Variants in PSMA5 observed in about 807,000 individuals in gnomAD.
The protein encoded by PSMA5 is proteasome 20S subunit alpha 5, also known as proteasome subunit alpha type-5.
A neutral mutation model predicts 34.5 loss-of-function variants in PSMA5; 3 were observed. The ratio of observed to expected loss-of-function variants is 0.09; its 90% CI spans 0.04 to 0.22. PSMA5 has a LOEUF of 0.22. PSMA5 is among the 10% of genes least tolerant of loss of function. The pLI, the probability that PSMA5 is intolerant of heterozygous loss-of-function variation, is 1.00. For synonymous variants in PSMA5, 88 were observed against 95.8 expected (o/e 0.92, Z 0.47); for missense variants, 120 against 286.1 (o/e 0.42, Z 4.19).
chr1:109,421,826 G>C, intron 2 of PSMA5, 34 bp downstream of exon 2: 1 of 1,509,440 alleles, frequency 6.6e-7, no homozygotes, highest in South Asian at 1.3e-5. Flanking sequence ...AGGTAGCCAT[G>C]AAATTTCAGG....
chr1:109,411,117 C>G lies in PSMA5; in HGVS notation c.459-4G>C. ...CCCAGATGGGTCCATATGAAACCTG[C>G]AAAACCCCCAAAATGAGGACTAAAA... On this transcript the variant is annotated splice_region_variant and splice_polypyrimidine_tract_variant and intron_variant, in intron 6 of 8. Transcript: ENST00000271308. 1 of 1,605,324 alleles carries G rather than the reference C, an allele frequency of 6.2e-7. No homozygotes were observed. Among genetic ancestry groups the G allele is most frequent in the Non-Finnish European group, 8.5e-7 (1 of 1,174,018 alleles).
At chr1:109,413,499 G>GA (rs35625543) in intron 3 of PSMA5, among the ~76,000 whole-genome samples, 2 of 152,152 alleles carry the variant, frequency 1.3e-5, no homozygotes, top group Non-Finnish European at 2.9e-5. Context: ...GGGAAACAAG[G>GA]AAAAGAAAAT....
chr1:109,420,052 A>G (rs1654380233), intron 2 of PSMA5, among the ~76,000 whole-genome samples: 1 of 152,030 alleles, frequency 6.6e-6, no homozygotes, highest in Non-Finnish European at 1.5e-5. Context: ...TAACCTGGAG[A>G]GACTTTGGAA....
intron 8 of PSMA5, among the ~76,000 whole-genome samples, chr1:109,408,709 G>A (rs747304574): frequency 1.4e-5 from 2 of 143,684 alleles, no homozygotes; most frequent in African/African-American, 2.6e-5. Context: ...TTTTTTTTTC[G>A]GGACGGAGTC....
At chr1:109,420,908 G>T (rs1654411432) in intron 2 of PSMA5, among the ~76,000 whole-genome samples, 1 of 151,776 alleles carries the variant, frequency 6.6e-6, no homozygotes, top group Non-Finnish European at 1.5e-5. Flanking sequence ...CGCCAGGTGT[G>T]GTGGCTCACA....
chr1:109,406,421 A>G (rs1333686645), intron 8 of PSMA5, among the ~76,000 whole-genome samples: 2 of 152,206 alleles, frequency 1.3e-5, no homozygotes, highest in Non-Finnish European at 2.9e-5. Context: ...TGAAAGAAGT[A>G]TAGTCCCTAT....
chr1:109,416,834 G>A (rs1654220221), intron 2 of PSMA5, among the ~76,000 whole-genome samples: 1 of 152,192 alleles, frequency 6.6e-6, no homozygotes, highest in Non-Finnish European at 1.5e-5. Flanking sequence ...GTTGGGCATG[G>A]TGGCTCATGC....
chr1:109,411,976 A>G (rs765952761), intron 5 of PSMA5, 41 bp from the exon 6 acceptor site: 3 of 1,594,142 alleles, frequency 1.9e-6, no homozygotes, highest in East Asian at 2.2e-5. Flanking sequence ...AAATGGCTAT[A>G]AAGTAAGGAG....
chr1:109,422,284 G>A (rs764359604), intron 1 of PSMA5, among the ~76,000 whole-genome samples: 7 of 152,106 alleles, frequency 4.6e-5, no homozygotes, highest in Non-Finnish European at 7.3e-5. Flanking sequence ...CCAAGAAAAT[G>A]TGCATTTTTC....
At chr1:109,421,015 TA>T (rs1654415843) in intron 2 of PSMA5, among the ~76,000 whole-genome samples, 1 of 112,314 alleles carries the variant, frequency 8.9e-6, no homozygotes, top group Non-Finnish European at 1.7e-5. Context: ...ACCACATCTC[TA>T]CCAAAAAAAA....
At chr1:109,406,588 C>T (rs916617874) in intron 8 of PSMA5, among the ~76,000 whole-genome samples, 7 of 152,138 alleles carry the variant, frequency 4.6e-5, no homozygotes, top group African/African-American at 7.2e-5. Context: ...GTCCCAGCTA[C>T]TCGAGAGGCT....
At chr1:109,421,838 C>G in intron 2 of PSMA5, 22 bp downstream of exon 2, 1 of 1,543,092 alleles carries the variant, frequency 6.5e-7, no homozygotes, top group Admixed American at 2.1e-5. Flanking sequence ...AATTTCAGGA[C>G]CTATGCTACT....
At chr1:109,425,433 T>G (rs1654616511) in intron 1 of PSMA5, 1 of 152,144 alleles carries the variant, frequency 6.6e-6, no homozygotes, top group Non-Finnish European at 1.5e-5. Context: ...ATGTCAAAAC[T>G]TCACACACAT....
At chr1:109,413,830 A>C (rs1199136309) in intron 3 of PSMA5, among the ~76,000 whole-genome samples, 1 of 152,132 alleles carries the variant, frequency 6.6e-6, no homozygotes, top group Non-Finnish European at 1.5e-5. Flanking sequence ...AAGTTCTGTC[A>C]ATTTCTATCT....
intron 1 of PSMA5, chr1:109,425,924 T>G: frequency 1.1e-5 from 3 of 270,900 alleles, no homozygotes; most frequent in Non-Finnish European, 1.4e-5. Context: ...AGGAAGCACG[T>G]TTAACTTTTT....
chr1:109,412,993 T>C (rs893925234), intron 4 of PSMA5, 75 bp downstream of exon 4: 8 of 1,300,324 alleles, frequency 6.2e-6, no homozygotes, highest in African/African-American at 2.9e-5. Flanking sequence ...ACCTGCAGTA[T>C]AGCCCAGGCA....
At chr1:109,402,141 TG>T (rs1209875843) in intron 8 of PSMA5, 51 bp from the exon 9 acceptor site, 1 of 1,366,766 alleles carries the variant, frequency 7.3e-7, no homozygotes, top group Non-Finnish European at 1.0e-6. Context: ...ACCCTGCTGA[TG>T]GCCCTACCAT....
chr1:109,409,329 G>A (rs1653906714), intron 8 of PSMA5, among the ~76,000 whole-genome samples: 1 of 152,106 alleles, frequency 6.6e-6, no homozygotes, highest in South Asian at 2.1e-4. Context: ...GCTAGTATTT[G>A]TATTTTTGGT....
chr1:109,407,385 C>T (rs531290084), intron 8 of PSMA5, among the ~76,000 whole-genome samples: 1 of 152,280 alleles, frequency 6.6e-6, no homozygotes, highest in East Asian at 1.9e-4. Context: ...TGGGCTCTAG[C>T]GCAGTGGCTC....
Sources: gnomAD v4.1 joint callset for allele counts (sites outside exome capture counted in the v4.1 genomes callset) on GRCh38, gnomAD v4.1.1 for gene constraint, MANE v1.5 for transcripts, NCBI Gene and HGNC (gene_info 2026-07-23, HGNC 2026-07-21) for gene names.